The following ADAMTS7 variants were observed in gnomAD, a reference collection of about 807,000 sequenced individuals.
The protein encoded by ADAMTS7 is A disintegrin and metalloproteinase with thrombospondin motifs 7.
A neutral mutation model predicts 172.6 loss-of-function variants in ADAMTS7; 89 were observed. The observed-to-expected ratio is 0.52, with a 90% CI of 0.43 to 0.61. ADAMTS7 has a LOEUF of 0.61. Among genes scored for constraint, ADAMTS7 ranks in the 20% least tolerant of loss-of-function variants. The probability of loss-of-function intolerance (pLI) is 0.00; values close to 1 mark genes in which losing one functional copy is unlikely to be tolerated. For synonymous variants in ADAMTS7, 885 were observed against 978.4 expected, an observed-to-expected ratio of 0.90 and a Z score of 1.78; for missense variants, 1,973 against 2,355.6, an observed-to-expected ratio of 0.84 and a Z score of 3.36.
At chr15:78,784,835 C>T (rs1449557557) in intron 8 of ADAMTS7, among the ~76,000 whole-genome samples, 5 of 152,066 alleles carry the variant, frequency 3.3e-5, no homozygotes, top group East Asian at 1.9e-4. Flanking sequence ...ACTTCCAACC[C>T]GAAGTTGATA....
chr15:78,777,576 GC>G lies in ADAMTS7; in HGVS notation c.1334del (p.Gly445AlafsTer26). 6.2e-7 allele frequency: 1 copy of G among 1,605,720 alleles called. No individual in the cohort carries two copies. Among genetic ancestry groups the G allele is most frequent in the Non-Finnish European group, 8.5e-7 (1 of 1,176,432 alleles). On this transcript the variant is annotated frameshift_variant, in exon 9 of 24. Transcript: ENST00000388820. LOFTEE classifies it high-confidence loss of function. ...TGGCAGGAGGGTCGTCCAGGCACAG[GC>G]CCCACCCACGGCTAAAGATGGGACG... ...YITRFLDRGW[G>X]LCLDDPPAKD...
chr15:78,764,971 G>C (rs1414311842), intron 19 of ADAMTS7: 6 of 381,032 alleles, frequency 1.6e-5, no homozygotes, highest in African/African-American at 6.3e-5. Flanking sequence ...GTGCAGAGGT[G>C]GGGGGAGGGG....
At chr15:78,791,757 A>C (rs1474909685) in intron 4 of ADAMTS7, among the ~76,000 whole-genome samples, 1 of 152,156 alleles carries the variant, frequency 6.6e-6, no homozygotes. Flanking sequence ...AGGCCTATGG[A>C]GCCTGCCCAC....
chr15:78,800,964 C>T (rs1380378271), intron 1 of ADAMTS7, among the ~76,000 whole-genome samples: 1 of 152,150 alleles, frequency 6.6e-6, no homozygotes, highest in African/African-American at 2.4e-5. Flanking sequence ...TGGTCTCAAA[C>T]TCCTGAACTC....
At chr15:78,784,252 C>T (rs1156886723) in intron 8 of ADAMTS7, among the ~76,000 whole-genome samples, 1 of 151,882 alleles carries the variant, frequency 6.6e-6, no homozygotes, top group Non-Finnish European at 1.5e-5. Context: ...GTTGTCCCAG[C>T]TACTCGGGAT....
rs2869878 is a variant in ADAMTS7 at position 78,788,455 on chromosome 15, G to A, written c.1179-81C>T. Reference sequence around the variant, plus strand: ...GCCCTCCCCTGGACACCCACAAGGTGCGCAGTCCTAGTTCCCAGGGCTGGT... The same window carrying A: ...GCCCTCCCCTGGACACCCACAAGGTACGCAGTCCTAGTTCCCAGGGCTGGT... On this transcript the variant is annotated intron_variant, in intron 7 of 23. Coordinates refer to ENST00000388820, the MANE Select transcript of ADAMTS7 (RefSeq NM_014272.5). 29,714 of 1,551,094 alleles carry A rather than the reference G, an allele frequency of 0.019. 4,438 individuals carry two copies. In the East Asian group the frequency reaches 0.37, roughly 20 times the overall value.
chr15:78,801,824 G>T (rs1404308777), intron 1 of ADAMTS7, among the ~76,000 whole-genome samples: 1 of 151,536 alleles, frequency 6.6e-6, no homozygotes, highest in Non-Finnish European at 1.5e-5. Context: ...ACTACAGGTG[G>T]GTGCCACCAC....
intron 7 of ADAMTS7, among the ~76,000 whole-genome samples, 180 bp from the exon 8 acceptor site, chr15:78,788,554 G>A (rs1159224683): frequency 6.6e-6 from 1 of 152,252 alleles, no homozygotes; most frequent in Non-Finnish European, 1.5e-5. Context: ...TTTCCTGAAT[G>A]TAAAATGAGG....
intron 4 of ADAMTS7, among the ~76,000 whole-genome samples, chr15:78,792,257 C>A (rs1347808872): frequency 1.3e-5 from 2 of 152,180 alleles, no homozygotes; most frequent in Non-Finnish European, 2.9e-5. Context: ...AACCACCTTT[C>A]TCCAATACAA....
chr15:78,762,779 C>T (rs1218657860), intron 22 of ADAMTS7, among the ~76,000 whole-genome samples: 5 of 152,236 alleles, frequency 3.3e-5, no homozygotes, highest in Non-Finnish European at 7.3e-5. Flanking sequence ...TCGGCTCCTG[C>T]AGAGGGAAGG....
intron 3 of ADAMTS7, among the ~76,000 whole-genome samples, 190 bp downstream of exon 3, chr15:78,797,758 C>A (rs565745025): frequency 6.6e-6 from 1 of 152,246 alleles, no homozygotes; most frequent in East Asian, 1.9e-4. Context: ...TGGGGCAGGC[C>A]CGAAAGGCAG....
At chr15:78,775,095 G>T (rs2055321429) in intron 11 of ADAMTS7, among the ~76,000 whole-genome samples, 3 of 150,680 alleles carry the variant, frequency 2.0e-5, no homozygotes, top group African/African-American at 7.5e-5. Flanking sequence ...ATAAAGTGGG[G>T]TTGGGGCTGC....
At chr15:78,775,241 G>A (rs1185297905) in intron 11 of ADAMTS7, among the ~76,000 whole-genome samples, 3 of 152,184 alleles carry the variant, frequency 2.0e-5, no homozygotes, top group Non-Finnish European at 4.4e-5. Context: ...CCTCCTGGTG[G>A]CAGTACCCCC....
At chr15:78,774,365 G>C in intron 12 of ADAMTS7, 65 bp from the exon 13 acceptor site, 1 of 1,488,166 alleles carries the variant, frequency 6.7e-7, no homozygotes, top group East Asian at 2.4e-5. Flanking sequence ...CCACCAGGAA[G>C]ACCCCTCCGT....
At chr15:78,794,800 C>T (rs1385723651) in intron 4 of ADAMTS7, among the ~76,000 whole-genome samples, 1 of 152,224 alleles carries the variant, frequency 6.6e-6, no homozygotes, top group Non-Finnish European at 1.5e-5. Context: ...TCACTGCAAC[C>T]TTCGCCTCCC....
chr15:78,805,973 C>T (rs145669235), intron 1 of ADAMTS7, among the ~76,000 whole-genome samples: 163 of 151,348 alleles, frequency 1.1e-3, no homozygotes, highest in African/African-American at 3.4e-3. Context: ...TCAGCTACTC[C>T]GGAGGCTGAG....
At chr15:78,782,063 G>A (rs1350922814) in intron 8 of ADAMTS7, among the ~76,000 whole-genome samples, 2 of 151,112 alleles carry the variant, frequency 1.3e-5, no homozygotes, top group African/African-American at 2.4e-5. Context: ...AGATGGTCTT[G>A]CCCTGTCGCC....
At chr15:78,764,324 G>A (rs1393130875) in intron 20 of ADAMTS7, among the ~76,000 whole-genome samples, 1 of 152,402 alleles carries the variant, frequency 6.6e-6, no homozygotes, top group East Asian at 1.9e-4. Flanking sequence ...ACAAAGGCAA[G>A]CTGGTGAAAG....
At chr15:78,767,632 C>T in intron 17 of ADAMTS7, 40 bp from the exon 18 acceptor site, 1 of 1,498,190 alleles carries the variant, frequency 6.7e-7, no homozygotes, top group Non-Finnish European at 8.9e-7. Flanking sequence ...TGGCATCAGA[C>T]AGGTGGCCTG....
Sources: gnomAD v4.1 joint callset for allele counts (sites outside exome capture counted in the v4.1 genomes callset) on GRCh38, gnomAD v4.1.1 for gene constraint, MANE v1.5 for transcripts, NCBI Gene and HGNC (gene_info 2026-07-23, HGNC 2026-07-21) for gene names.